The following ADAP2 variants were observed in gnomAD, a reference collection of about 807,000 sequenced individuals.
The protein encoded by ADAP2 is arf-GAP with dual PH domain-containing protein 2.
ADAP2 carries 42 observed loss-of-function variants against 54.9 expected under a neutral mutation model. The observed-to-expected ratio is 0.77, with a 90% CI of 0.60 to 0.99. The LOEUF (loss-of-function observed/expected upper bound fraction) is 0.99. ADAP2 is among the 50% of genes least tolerant of loss of function. ADAP2 has a pLI of 0.00. For synonymous variants in ADAP2, 177 were observed against 180.1 expected, an observed-to-expected ratio of 0.98 and a Z score of 0.14; for missense variants, 429 against 480.4, an observed-to-expected ratio of 0.89 and a Z score of 1.00.
At chr17:30,955,401 G>T (rs1279094573) in intron 9 of ADAP2, among the ~76,000 whole-genome samples, 1 of 151,966 alleles carries the variant, frequency 6.6e-6, no homozygotes, top group Non-Finnish European at 1.5e-5. Context: ...AACATAGTGA[G>T]ATCCCATCTC....
intron 3 of ADAP2, among the ~76,000 whole-genome samples, chr17:30,928,483 T>G (rs1242730780): frequency 6.6e-6 from 1 of 152,140 alleles, no homozygotes; most frequent in Non-Finnish European, 1.5e-5. Flanking sequence ...AGTGAGACTT[T>G]GTCTCAAAAA....
intron 1 of ADAP2, 41 bp from the exon 2 acceptor site, chr17:30,922,899 G>C (rs760884694): frequency 8.7e-6 from 14 of 1,601,668 alleles, no homozygotes; most frequent in Middle Eastern, 1.7e-4. Context: ...TTTCTTCACC[G>C]CGCTTTCCGC....
intron 3 of ADAP2, among the ~76,000 whole-genome samples, chr17:30,927,632 A>G (rs534439420): frequency 1.3e-5 from 2 of 151,872 alleles, no homozygotes; most frequent in Non-Finnish European, 2.9e-5. Context: ...AAAAAAAATA[A>G]AAGATAGAAA....
intron 7 of ADAP2, 54 bp downstream of exon 7, chr17:30,949,424 T>C: frequency 6.5e-7 from 1 of 1,526,772 alleles, no homozygotes; most frequent in Non-Finnish European, 9.1e-7. Flanking sequence ...ATCTCCTTCT[T>C]TCCCTGTCTG....
At chr17:30,929,396 CT>C (rs924003784) in intron 3 of ADAP2, among the ~76,000 whole-genome samples, 15 of 152,200 alleles carry the variant, frequency 9.9e-5, no homozygotes, top group Non-Finnish European at 1.6e-4. Flanking sequence ...TCCTGGCTCG[CT>C]GCTGCCACTC....
intron 3 of ADAP2, among the ~76,000 whole-genome samples, chr17:30,928,600 C>T (rs1359594626): frequency 6.6e-6 from 1 of 152,182 alleles, no homozygotes; most frequent in Non-Finnish European, 1.5e-5. Context: ...ACAAGTACTG[C>T]TACTATCCCT....
chr17:30,944,156 C>G lies in ADAP2; in HGVS notation c.511-751C>G, dbSNP rs1236309319. Among the ~76,000 whole-genome samples, 4 of 152,148 alleles carry G rather than the reference C, an allele frequency of 2.6e-5. No homozygotes were observed. The East Asian group carries it at 7.7e-4, about 29-fold the overall frequency. ...GCAGTGAGCCGAGATCACGCCGTTGCACTCCAGCTGGGCAGCAAGAGCAAA... is the reference window on the plus strand; with the variant it reads ...GCAGTGAGCCGAGATCACGCCGTTGGACTCCAGCTGGGCAGCAAGAGCAAA... On this transcript the variant is annotated intron_variant, in intron 5 of 10. Transcript: ENST00000330889.
Position 30,926,902 on chromosome 17 carries a change from C to T in ADAP2, c.301C>T (p.Gln101Ter). The part of the protein sequence containing the change: ...ARVPAFYYIP[Q>*]ANDCLVLKEQ... ...AGTCCCAGCTTTCTACTACATCCCC[C>T]AGGCCAACGACTGCCTGTGAGTGGG... The change falls in exon 3 of 11, where the codon CAG (glutamine) becomes TAG (stop). Residue 101 changes from glutamine (Q) to a stop codon, truncating the protein, a stop_gained. Transcript: ENST00000330889. LOFTEE classifies it high-confidence loss of function. The T allele has an allele frequency of 1.2e-6, 2 of 1,614,050 alleles. No individual in the cohort carries two copies. The highest frequency in any genetic ancestry group is 1.7e-6 in the Non-Finnish European group (2 of 1,179,888).
At chr17:30,949,182 ATG>A (rs1004728202) in intron 6 of ADAP2, 103 bp from the exon 7 acceptor site, 1 of 846,892 alleles carries the variant, frequency 1.2e-6, no homozygotes, top group African/African-American at 1.7e-5. Flanking sequence ...TGCTGAATAT[ATG>A]TGCCCCACAC....
intron 7 of ADAP2, among the ~76,000 whole-genome samples, chr17:30,951,316 G>A (rs1904610879): frequency 6.6e-6 from 1 of 152,084 alleles, no homozygotes; most frequent in Admixed American, 6.6e-5. Context: ...CCAGCCATGT[G>A]ACTTTCCTTT....
chr17:30,934,173 T>A lies in ADAP2; in HGVS notation c.398-12T>A. The A allele has an allele frequency of 6.2e-7, 1 of 1,609,950 alleles. No homozygotes were observed. The highest frequency in any genetic ancestry group is 1.3e-5 in the African/African-American group (1 of 74,986). The stretch of plus-strand genomic sequence containing the variant: ...CACGTGTGTTCACGCTTTGTCATCC[T>A]TGCTGCTTAAGGTAACCGAGAAGGA... On this transcript the variant is annotated splice_polypyrimidine_tract_variant and intron_variant, in intron 4 of 10. Transcript: ENST00000330889.
At chr17:30,955,683 A>C (rs1490385219) in intron 9 of ADAP2, among the ~76,000 whole-genome samples, 2 of 150,908 alleles carry the variant, frequency 1.3e-5, no homozygotes, top group African/African-American at 2.4e-5. Context: ...GCCTGGGTGC[A>C]GAGTGAGACT....
At chr17:30,937,153 C>T (rs906817884) in intron 5 of ADAP2, among the ~76,000 whole-genome samples, 7 of 151,640 alleles carry the variant, frequency 4.6e-5, no homozygotes, top group Admixed American at 4.0e-4. Context: ...CTTGAATTTC[C>T]GACCTCGTGA....
intron 5 of ADAP2, among the ~76,000 whole-genome samples, chr17:30,934,775 A>G (rs1425334441): frequency 6.6e-6 from 1 of 152,216 alleles, no homozygotes; most frequent in Non-Finnish European, 1.5e-5. Flanking sequence ...TCACACCTAT[A>G]ATCCCAGCAC....
intron 5 of ADAP2, among the ~76,000 whole-genome samples, chr17:30,940,102 C>G (rs1912161590): frequency 6.6e-6 from 1 of 152,108 alleles, no homozygotes; most frequent in African/African-American, 2.4e-5. Context: ...GCTGAGACTT[C>G]AGGCACACAC....
At chr17:30,928,598 T>C (rs1911246359) in intron 3 of ADAP2, among the ~76,000 whole-genome samples, 1 of 152,228 alleles carries the variant, frequency 6.6e-6, no homozygotes, top group Admixed American at 6.5e-5. Flanking sequence ...CTACAAGTAC[T>C]GCTACTATCC....
At chr17:30,954,090 C>G (rs1276843282) in intron 8 of ADAP2, 2 of 173,130 alleles carry the variant, frequency 1.2e-5, no homozygotes, top group African/African-American at 4.7e-5. Flanking sequence ...TGTTGCTGGG[C>G]TTTCTCTCCC....
chr17:30,942,635 T>A (rs1331432776), intron 5 of ADAP2, among the ~76,000 whole-genome samples: 1 of 152,164 alleles, frequency 6.6e-6, no homozygotes, highest in African/African-American at 2.4e-5. Flanking sequence ...ATTGATAACT[T>A]TTGGTATAGT....
Position 30,926,853 on chromosome 17 carries a change from T to G in ADAP2, c.252T>G (p.Arg84=). The change falls in exon 3 of 11, where the codon CGT becomes CGG. Residue 84 remains arginine, a synonymous_variant. Transcript: ENST00000330889. ...VEFMIHNGNL[R]VKAKFEARVP... ...TTATGATCCACAATGGAAACCTCCGTGTGAAGGCCAAGTTCGAAGCCAGAG... is the reference window on the plus strand; with the variant it reads ...TTATGATCCACAATGGAAACCTCCGGGTGAAGGCCAAGTTCGAAGCCAGAG... The G allele has an allele frequency of 6.2e-7, 1 of 1,614,200 alleles. No homozygotes were observed. The highest frequency in any genetic ancestry group is 1.1e-5 in the South Asian group (1 of 91,086).
Sources: gnomAD v4.1 joint callset for allele counts (sites outside exome capture counted in the v4.1 genomes callset) on GRCh38, gnomAD v4.1.1 for gene constraint, MANE v1.5 for transcripts, NCBI Gene and HGNC (gene_info 2026-07-23, HGNC 2026-07-21) for gene names.